Variants in AFF2 observed in about 807,000 individuals in gnomAD.
The protein encoded by AFF2 is AF4/FMR2 family member 2.
AFF2 carries 14 observed loss-of-function variants against 76.9 expected under a neutral mutation model. The ratio of observed to expected loss-of-function variants is 0.18; its 90% CI spans 0.12 to 0.28. AFF2 has a LOEUF of 0.28. Among genes scored for constraint, AFF2 ranks in the 10% least tolerant of loss-of-function variants. The pLI is 1.00. For missense variants in AFF2, 868 were observed against 1,001.1 expected (o/e 0.87, Z 1.79); for synonymous variants, 398 against 366.7 (o/e 1.09, Z -0.98).
intron 12 of AFF2, among the ~76,000 whole-genome samples, chrX:148,960,921 C>T (rs2072101442): frequency 1.8e-5 from 2 of 111,846 alleles, no homozygotes; most frequent in South Asian, 7.5e-4. Context: ...TAAGTCATAA[C>T]AATGACTGAG....
chrX:148,983,951 G>GAAAAAAAAAAAAAAAAAAAAA (rs1569558020), intron 19 of AFF2, among the ~76,000 whole-genome samples: 2 of 2,850 alleles, frequency 7.0e-4, no homozygotes, highest in East Asian at 0.25. Context: ...GAGTGAAATA[G>GAAAAAAAAAAAAAAAAAAAAA]ACAAAAAAAA....
In AFF2 at chrX:148,976,024, ATTTTC is replaced by A. The variant is rs782759480; in HGVS notation, c.3405-1904_3405-1900del. On this transcript the variant is annotated intron_variant, in intron 16 of 20. Transcript: ENST00000370460. ...AAAGTGCAACGTGAATCATTAAGTA[ATTTTC>A]TTTTAATTATTCACGAAAAAGTTAT... 1.7e-3 allele frequency among the ~76,000 whole-genome samples: 185 copies of A among 107,887 alleles called. 1 individual carries two copies. The highest frequency in any genetic ancestry group is 5.5e-3 in the African/African-American group (166 of 30,363). The allele number at this position is 107,887 out of a possible 115,157, so 93.7% of individuals were successfully genotyped here.
intron 3 of AFF2, among the ~76,000 whole-genome samples, chrX:148,718,060 A>G (rs2055047834): frequency 9.1e-6 from 1 of 109,594 alleles, no homozygotes; most frequent in Admixed American, 9.8e-5. Flanking sequence ...TCTTTCAGTA[A>G]CACTTTATCT....
At chrX:148,648,217 CTGTT>C (rs1430797207) in intron 1 of AFF2, among the ~76,000 whole-genome samples, 5 of 111,244 alleles carry the variant, frequency 4.5e-5, no homozygotes, top group Non-Finnish European at 9.4e-5. Context: ...GGCAGTTCCT[CTGTT>C]TGTGGTGGCT....
At chrX:148,626,762 G>T (rs1235972124) in intron 1 of AFF2, among the ~76,000 whole-genome samples, 1 of 110,852 alleles carries the variant, frequency 9.0e-6, no homozygotes, top group Non-Finnish European at 1.9e-5. Flanking sequence ...CCTTTCTCTC[G>T]TAAGGGCACA....
chrX:148,874,557 A>G (rs954459854), intron 7 of AFF2, among the ~76,000 whole-genome samples: 5 of 111,757 alleles, frequency 4.5e-5, no homozygotes, highest in African/African-American at 1.6e-4. Context: ...TATTTCCTTT[A>G]CACATTGTTA....
intron 3 of AFF2, among the ~76,000 whole-genome samples, chrX:148,795,872 T>TATATGC (rs58337451): frequency 3.0e-5 from 1 of 33,677 alleles, no homozygotes; most frequent in African/African-American, 8.0e-5. Flanking sequence ...TATATATATA[T>TATATGC]ACACACCTAA....
intron 3 of AFF2, among the ~76,000 whole-genome samples, chrX:148,693,000 G>A (rs1417047352): frequency 2.7e-5 from 3 of 111,088 alleles, no homozygotes; most frequent in African/African-American, 9.8e-5. Context: ...CTCACTACAA[G>A]CTCCACCTCC....
chrX:148,927,737 G>A (rs782403687), intron 9 of AFF2, among the ~76,000 whole-genome samples: 2 of 112,234 alleles, frequency 1.8e-5, no homozygotes, highest in African/African-American at 6.5e-5. Context: ...CATGAACACT[G>A]TTTATTACCA....
chrX:148,614,737 CTTTT>C (rs2053773953), intron 1 of AFF2, among the ~76,000 whole-genome samples: 1 of 46,408 alleles, frequency 2.2e-5, no homozygotes, highest in Non-Finnish European at 3.9e-5. Context: ...TTCTTTCCTT[CTTTT>C]CTTTCTTTCT....
intron 3 of AFF2, among the ~76,000 whole-genome samples, chrX:148,786,214 C>A (rs1229292456): frequency 8.1e-5 from 9 of 111,646 alleles, no homozygotes; most frequent in Non-Finnish European, 1.5e-4. Flanking sequence ...CCTCCCCACC[C>A]CACCCTGGCC....
At chrX:148,565,982 T>C (rs1328425368) in intron 1 of AFF2, among the ~76,000 whole-genome samples, 1 of 111,388 alleles carries the variant, frequency 9.0e-6, no homozygotes, top group African/African-American at 3.3e-5. Context: ...TGTGCGTGTA[T>C]AGTTAGAAGT....
intron 3 of AFF2, among the ~76,000 whole-genome samples, chrX:148,779,683 G>A (rs533212162): frequency 4.5e-5 from 5 of 111,715 alleles, no homozygotes; most frequent in East Asian, 5.6e-4. Flanking sequence ...ACACCAATGC[G>A]TCTTGGCTCT....
intron 1 of AFF2, among the ~76,000 whole-genome samples, chrX:148,529,788 T>A (rs2052709135): frequency 8.9e-6 from 1 of 111,806 alleles, no homozygotes; most frequent in Non-Finnish European, 1.9e-5. Flanking sequence ...CATATTTTAC[T>A]AAGTATCACC....
chrX:148,768,035 T>G (rs1364772561), intron 3 of AFF2, among the ~76,000 whole-genome samples: 2 of 107,943 alleles, frequency 1.9e-5, no homozygotes, highest in Non-Finnish European at 3.8e-5. Flanking sequence ...TGCCGCCTTA[T>G]GCCTCCTCCA....
intron 3 of AFF2, among the ~76,000 whole-genome samples, chrX:148,756,105 A>G (rs1024671061): frequency 7.1e-5 from 8 of 112,360 alleles, no homozygotes; most frequent in Non-Finnish European, 1.5e-4. Flanking sequence ...TTCTAGCTGT[A>G]AGGAAGATAT....
intron 3 of AFF2, among the ~76,000 whole-genome samples, chrX:148,750,249 C>A (rs185690960): frequency 0.11 from 11,936 of 110,619 alleles, 663 homozygotes; most frequent in Non-Finnish European, 0.16. Context: ...GGATTACAGG[C>A]GGAGCCACTG....
chrX:148,891,027 G>A (rs2071217200), intron 8 of AFF2, among the ~76,000 whole-genome samples: 1 of 111,820 alleles, frequency 8.9e-6, no homozygotes, highest in African/African-American at 3.2e-5. Context: ...CTATTACCTG[G>A]CTGACTGCAT....
chrX:148,746,184 GCAGA>G (rs1557266061), intron 3 of AFF2, among the ~76,000 whole-genome samples: 2 of 112,037 alleles, frequency 1.8e-5, no homozygotes. Flanking sequence ...AGTGCTATAG[GCAGA>G]CAAATAGCAA....
Sources: gnomAD v4.1 joint callset for allele counts (sites outside exome capture counted in the v4.1 genomes callset) on GRCh38, gnomAD v4.1.1 for gene constraint, MANE v1.5 for transcripts, NCBI Gene and HGNC (gene_info 2026-07-23, HGNC 2026-07-21) for gene names.